The following MTHFD1L variants were observed in gnomAD, a reference collection of about 807,000 sequenced individuals.
MTHFD1L encodes the protein monofunctional C1-tetrahydrofolate synthase, mitochondrial.
MTHFD1L carries 81 observed loss-of-function variants against 119.5 expected under a neutral mutation model. The ratio of observed to expected loss-of-function variants is 0.68; its 90% confidence interval spans 0.57 to 0.82. The LOEUF is 0.82. Ranked by LOEUF, MTHFD1L falls within the 40% of genes least tolerant of loss-of-function variation. The pLI, the probability that MTHFD1L is intolerant of heterozygous loss-of-function variation, is 0.00. For synonymous variants in MTHFD1L, 430 were observed against 475.2 expected, an observed-to-expected ratio of 0.90 and a Z score of 1.24; for missense variants, 1,125 against 1,253.4, an observed-to-expected ratio of 0.90 and a Z score of 1.55.
At chr6:150,922,857 C>T (rs751143713) in intron 10 of MTHFD1L, among the ~76,000 whole-genome samples, 22 of 151,934 alleles carry the variant, frequency 1.4e-4, no homozygotes, top group Non-Finnish European at 2.6e-4. Context: ...TTTGGCCAGC[C>T]GGTCTCAAAC....
chr6:150,942,003 A>C (rs1793203821), intron 13 of MTHFD1L, among the ~76,000 whole-genome samples: 2 of 152,246 alleles, frequency 1.3e-5, no homozygotes, highest in Non-Finnish European at 2.9e-5. Context: ...TCATGCCTGT[A>C]ATCCCAGCAC....
At chr6:150,894,733 T>C (rs1294864482) in intron 7 of MTHFD1L, among the ~76,000 whole-genome samples, 1 of 152,212 alleles carries the variant, frequency 6.6e-6, no homozygotes, top group African/African-American at 2.4e-5. Flanking sequence ...ATCCTTTCTC[T>C]GTCCGTCTGT....
chr6:150,976,027 G>A (rs1395486084), intron 20 of MTHFD1L, among the ~76,000 whole-genome samples: 8 of 152,172 alleles, frequency 5.3e-5, no homozygotes, highest in East Asian at 1.9e-4. Flanking sequence ...GTGAAACCCC[G>A]TCTCTACTAA....
chr6:151,030,089 A>G (rs1785122821), intron 24 of MTHFD1L, among the ~76,000 whole-genome samples: 1 of 152,194 alleles, frequency 6.6e-6, no homozygotes, highest in Non-Finnish European at 1.5e-5. Context: ...GTATAGCATG[A>G]CGTTTACAAC....
rs140825514 is a variant in MTHFD1L, at chr6:151,064,838, T to C, written c.2848-27629T>C. ...TTTGTTTTGAGATGGAGTCTCCCTC[T>C]GTCACCCAGGCTGGAGTGCAGTGGT... On this transcript the variant is annotated intron_variant, in intron 26 of 27. Coordinates refer to ENST00000367321, the MANE Select transcript of MTHFD1L (RefSeq NM_015440.5). Among the ~76,000 whole-genome samples, 367 of 151,992 alleles carry C rather than the reference T, an allele frequency of 2.4e-3. 2 individuals are homozygous for C. The highest frequency in any genetic ancestry group is 8.1e-3 in the African/African-American group (337 of 41,482).
In MTHFD1L at chr6:150,874,857, G is replaced by T. The variant is rs1583310692; in HGVS notation, c.228-1233G>T. On this transcript the variant is annotated intron_variant, in intron 1 of 27. Coordinates refer to ENST00000367321, the MANE Select transcript of MTHFD1L (RefSeq NM_015440.5). ...GGCTCACTGCAACCTCTGCCTCCCAGGTTCAAGAGATTCTCCCGAGTAGCT... is the reference window on the plus strand; with the variant it reads ...GGCTCACTGCAACCTCTGCCTCCCATGTTCAAGAGATTCTCCCGAGTAGCT... Among the ~76,000 whole-genome samples the T allele has an allele frequency of 5.9e-5, 9 of 151,842 alleles. No homozygotes were observed. In the South Asian group the frequency reaches 1.7e-3, roughly 28 times the overall value.
intron 16 of MTHFD1L, among the ~76,000 whole-genome samples, chr6:150,950,062 C>CA (rs1794619791): frequency 7.4e-6 from 1 of 134,494 alleles, no homozygotes; most frequent in Admixed American, 7.6e-5. Context: ...CATTTTATAG[C>CA]AGTTCCCGAC....
At chr6:151,010,650 G>GTGCATAGAT (rs1782082099) in intron 21 of MTHFD1L, among the ~76,000 whole-genome samples, 1 of 152,018 alleles carries the variant, frequency 6.6e-6, no homozygotes, top group Non-Finnish European at 1.5e-5. Context: ...CAGAAAACCT[G>GTGCATAGAT]TGCATAGATT....
intron 20 of MTHFD1L, among the ~76,000 whole-genome samples, chr6:150,974,262 G>C (rs895584032): frequency 5.3e-5 from 8 of 152,168 alleles, no homozygotes; most frequent in African/African-American, 1.9e-4. Context: ...ATGAGATCAT[G>C]GGGTTGAGTC....
chr6:151,062,478 A>G (rs960028516), intron 26 of MTHFD1L, among the ~76,000 whole-genome samples: 2 of 152,156 alleles, frequency 1.3e-5, no homozygotes, highest in African/African-American at 4.8e-5. Flanking sequence ...TGTCTGTTTA[A>G]CAGATTTTTA....
intron 4 of MTHFD1L, among the ~76,000 whole-genome samples, chr6:150,878,258 T>TC (rs1016644524): frequency 8.7e-6 from 1 of 115,502 alleles, no homozygotes; most frequent in African/African-American, 2.9e-5. Context: ...TCTCTCTCTC[T>TC]TTTTTTTTTT....
chr6:150,965,174 T>G (rs537511130), intron 19 of MTHFD1L, 137 bp downstream of exon 19: 1 of 713,248 alleles, frequency 1.4e-6, no homozygotes, highest in East Asian at 2.8e-5. Context: ...GCAGAAAGAG[T>G]GAGGATCTGG....
chr6:151,010,649 T>C (rs1314459046), intron 21 of MTHFD1L, among the ~76,000 whole-genome samples: 7 of 152,210 alleles, frequency 4.6e-5, no homozygotes, highest in Non-Finnish European at 8.8e-5. Context: ...ACAGAAAACC[T>C]GTGCATAGAT....
intron 25 of MTHFD1L, among the ~76,000 whole-genome samples, chr6:151,036,521 C>G (rs1488731027): frequency 6.6e-6 from 1 of 152,160 alleles, no homozygotes; most frequent in Non-Finnish European, 1.5e-5. Context: ...GATTCATAAA[C>G]CAACACAAAG....
chr6:150,949,360 G>A (rs1055978458), intron 16 of MTHFD1L, among the ~76,000 whole-genome samples: 1 of 151,084 alleles, frequency 6.6e-6, no homozygotes, highest in African/African-American at 2.4e-5. Flanking sequence ...ATCTACTCCT[G>A]TGTCTTCTAA....
At chr6:151,099,762 C>T in intron 27 of MTHFD1L, 2 of 1,609,060 alleles carry the variant, frequency 1.2e-6, no homozygotes, top group Non-Finnish European at 1.7e-6. Flanking sequence ...AGTTCCTGGT[C>T]CACAACGTCA....
chr6:150,866,310 G>C (rs993135313), intron 1 of MTHFD1L: 17 of 1,465,652 alleles, frequency 1.2e-5, no homozygotes, highest in African/African-American at 1.0e-4. Flanking sequence ...GCGCCTAGCG[G>C]CATGGACCGC....
chr6:150,886,994 GAA>G (rs200424889), intron 6 of MTHFD1L, among the ~76,000 whole-genome samples: 9 of 103,152 alleles, frequency 8.7e-5, no homozygotes, highest in Admixed American at 1.1e-4. Context: ...GATCCTATCT[GAA>G]AAAAAAAAAA....
intron 20 of MTHFD1L, among the ~76,000 whole-genome samples, chr6:150,974,910 T>A (rs1422050377): frequency 6.7e-6 from 1 of 148,692 alleles, no homozygotes; most frequent in Non-Finnish European, 1.5e-5. Context: ...CTAATTTTTG[T>A]ATTTTTTAGT....
Sources: allele counts gnomAD v4.1 joint callset (sites outside exome capture counted in the v4.1 genomes callset), GRCh38; gene constraint gnomAD v4.1.1; transcripts MANE v1.5; gene names NCBI Gene and HGNC (gene_info 2026-07-23, HGNC 2026-07-21).